SUSD1: variants seen among roughly 807,000 people sequenced by gnomAD.
The protein encoded by SUSD1 is sushi domain containing 1.
Under a neutral mutation model 86.9 loss-of-function variants are expected in SUSD1, and 65 were observed. The observed-to-expected ratio is 0.75, with a 90% confidence interval of 0.61 to 0.92. The LOEUF (loss-of-function observed/expected upper bound fraction) is 0.92. SUSD1 is among the 40% of genes least tolerant of loss of function. The pLI is 0.00. For missense variants in SUSD1, 850 were observed against 929.7 expected (o/e 0.91, Z 1.11); for synonymous variants, 346 against 350.0 (o/e 0.99, Z 0.13).
chr9:112,169,118 AAAAAATCC>A (rs1304837426), intron 1 of SUSD1, among the ~76,000 whole-genome samples: 1 of 152,144 alleles, frequency 6.6e-6, no homozygotes, highest in African/African-American at 2.4e-5. Flanking sequence ...CCTGACAAAA[AAAAAATCC>A]AGAAATGAAA....
intron 5 of SUSD1, among the ~76,000 whole-genome samples, chr9:112,127,891 C>G (rs1470815024): frequency 1.3e-5 from 2 of 151,716 alleles, no homozygotes; most frequent in African/African-American, 4.8e-5. Context: ...CAGCCTTGAC[C>G]TCCTGGGCTC....
At chr9:112,168,899 C>T (rs1564360700) in intron 1 of SUSD1, among the ~76,000 whole-genome samples, 1 of 152,196 alleles carries the variant, frequency 6.6e-6, no homozygotes, top group Non-Finnish European at 1.5e-5. Flanking sequence ...AAATCCAGCA[C>T]AACCTTCCTG....
rs1278737529 is a variant in SUSD1 at position 112,113,607 on chromosome 9, C to T, written c.887-739G>A. On this transcript the variant is annotated intron_variant, in intron 6 of 16. Transcript: ENST00000374270. The surrounding 1 kb of genome is among the most constrained non-coding windows in gnomAD (Gnocchi z 4.1). The stretch of plus-strand genomic sequence containing the variant: ...CAAGTGGTTGTGCAGACAGGAAGAA[C>T]GAAAGGGGATCTAGCTTTTTATTTC... 3.3e-5 allele frequency among the ~76,000 whole-genome samples: 5 copies of T among 152,140 alleles called. No homozygotes were observed. Among genetic ancestry groups the T allele is most frequent in the East Asian group, 1.9e-4 (1 of 5,202 alleles).
intron 4 of SUSD1, among the ~76,000 whole-genome samples, chr9:112,143,166 A>G (rs1299671597): frequency 6.7e-6 from 1 of 150,232 alleles, no homozygotes; most frequent in Non-Finnish European, 1.5e-5. Flanking sequence ...TTTTATTTTT[A>G]GTAGAGATAG....
intron 14 of SUSD1, among the ~76,000 whole-genome samples, chr9:112,057,470 G>A (rs1828502524): frequency 6.6e-6 from 1 of 152,148 alleles, no homozygotes; most frequent in African/African-American, 2.4e-5. Flanking sequence ...TAATGAAAAG[G>A]CCTTGTCTAA....
intron 5 of SUSD1, among the ~76,000 whole-genome samples, chr9:112,132,241 A>C (rs1832064880): frequency 6.6e-6 from 1 of 152,232 alleles, no homozygotes; most frequent in South Asian, 2.1e-4. Flanking sequence ...TTAGAGATCA[A>C]TAAATAACAA....
At chr9:112,173,367 C>T (rs548100501) in intron 1 of SUSD1, among the ~76,000 whole-genome samples, 50 of 151,240 alleles carry the variant, frequency 3.3e-4, no homozygotes, top group Non-Finnish European at 6.3e-4. Context: ...TCAGGATCAG[C>T]GTTTGGTTTT....
chr9:112,145,818 G>T (rs1330702820), intron 3 of SUSD1, among the ~76,000 whole-genome samples: 1 of 152,122 alleles, frequency 6.6e-6, no homozygotes, highest in Non-Finnish European at 1.5e-5. Context: ...CTTCTCCTGG[G>T]TTGTGGCTCA....
chr9:112,059,423 A>G (rs1420018196), intron 13 of SUSD1, among the ~76,000 whole-genome samples: 2 of 152,252 alleles, frequency 1.3e-5, no homozygotes, highest in Non-Finnish European at 2.9e-5. Context: ...AGTGCCTACC[A>G]CAGTGAATGT....
intron 10 of SUSD1, among the ~76,000 whole-genome samples, chr9:112,093,907 G>A (rs1830297765): frequency 6.6e-6 from 1 of 152,192 alleles, no homozygotes; most frequent in Non-Finnish European, 1.5e-5. Context: ...TTAGGCAGGA[G>A]CAGATGGAAT....
intron 5 of SUSD1, among the ~76,000 whole-genome samples, chr9:112,138,242 T>TATATATATATATATATGTGTATATACAC (rs1554770305): frequency 5.9e-5 from 2 of 34,066 alleles, no homozygotes; most frequent in Admixed American, 8.0e-4. Context: ...AATGTGTATA[T>TATATATATATATATATGTGTATATACAC]ATATATATAT....
At chr9:112,099,184 A>T (rs1000358854) in intron 9 of SUSD1, among the ~76,000 whole-genome samples, 1 of 152,136 alleles carries the variant, frequency 6.6e-6, no homozygotes, top group African/African-American at 2.4e-5. Context: ...TTGGAACTAC[A>T]GGCATGCACC....
intron 4 of SUSD1, among the ~76,000 whole-genome samples, chr9:112,142,961 CTTTTTTTTTTTTTTTTTTTTTTTTT>C (rs529470594): frequency 3.3e-5 from 1 of 30,178 alleles, no homozygotes; most frequent in Non-Finnish European, 7.0e-5. Flanking sequence ...TGAATTTTAG[CTTTTTTTTTTTTTTTTTTTTTTTTT>C]TTTTTTTTTT....
At chr9:112,133,666 T>C (rs186399237) in intron 5 of SUSD1, among the ~76,000 whole-genome samples, 12 of 152,346 alleles carry the variant, frequency 7.9e-5, no homozygotes, top group Non-Finnish European at 1.6e-4. Flanking sequence ...GGGAAATAGT[T>C]TTTTATTAAG....
At position 112,162,842 on chromosome 9, in the gene SUSD1, G is replaced by A. The variant is rs78883667; in HGVS notation, c.104-5229C>T. ...AATTTTCCTTGGAGTGCAGCAATCT[G>A]TAACCAACCAAATCGCTGTGGCATA... is the stretch of plus-strand genomic sequence containing the variant. On this transcript the variant is annotated intron_variant, in intron 1 of 16. Coordinates refer to ENST00000374270, the MANE Select transcript of SUSD1 (RefSeq NM_022486.5). 1.3e-3 allele frequency among the ~76,000 whole-genome samples: 200 copies of A among 152,268 alleles called. 2 individuals carry two copies. The highest frequency in any genetic ancestry group is 4.5e-3 in the African/African-American group (187 of 41,546).
At chr9:112,122,079 T>G (rs967087524) in intron 6 of SUSD1, among the ~76,000 whole-genome samples, 2 of 152,216 alleles carry the variant, frequency 1.3e-5, no homozygotes, top group Non-Finnish European at 2.9e-5. Flanking sequence ...TTTCCCTCTT[T>G]TATAGATGAG....
At chr9:112,043,938 C>T (rs1296099668) in intron 15 of SUSD1, among the ~76,000 whole-genome samples, 2 of 152,090 alleles carry the variant, frequency 1.3e-5, no homozygotes, top group African/African-American at 2.4e-5. Flanking sequence ...GTAGCTGGGA[C>T]TACAGGTGTA....
At chr9:112,089,461 T>C (rs543748389) in intron 10 of SUSD1, among the ~76,000 whole-genome samples, 1 of 152,252 alleles carries the variant, frequency 6.6e-6, no homozygotes, top group Admixed American at 6.5e-5. Flanking sequence ...CAAGTCACAA[T>C]GAAGATATAG....
At chr9:112,086,842 CA>C (rs573461674) in intron 10 of SUSD1, among the ~76,000 whole-genome samples, 6 of 148,096 alleles carry the variant, frequency 4.1e-5, no homozygotes, top group African/African-American at 1.3e-4. Flanking sequence ...AACAAACAAA[CA>C]AAAAAAACCT....
Sources: gnomAD v4.1 joint callset for allele counts (sites outside exome capture counted in the v4.1 genomes callset) on GRCh38, gnomAD v4.1.1 for gene constraint, Gnocchi (gnomAD v3.1) non-coding constraint, MANE v1.5 for transcripts, NCBI Gene and HGNC (gene_info 2026-07-23, HGNC 2026-07-21) for gene names.